The following TMEM132C variants were observed in gnomAD, a reference collection of about 807,000 sequenced individuals.
TMEM132C encodes protein phosphatase 1, regulatory subunit 152.
Under a neutral mutation model 61.4 loss-of-function variants are expected in TMEM132C, and 29 were observed. The observed-to-expected ratio is 0.47, with a 90% CI of 0.35 to 0.64. The LOEUF (loss-of-function observed/expected upper bound fraction) is 0.64. TMEM132C is among the 30% of genes least tolerant of loss of function. The pLI is 0.00. For missense variants in TMEM132C, 1,408 were observed against 1,476.9 expected, an observed-to-expected ratio of 0.95 and a Z score of 0.76; for synonymous variants, 656 against 633.1, an observed-to-expected ratio of 1.04 and a Z score of -0.54.
intron 1 of TMEM132C, among the ~76,000 whole-genome samples, chr12:128,312,795 A>G (rs552774193): frequency 2.0e-5 from 3 of 152,318 alleles, no homozygotes; most frequent in African/African-American, 7.2e-5. Context: ...GTGCTAATTT[A>G]TTATGGCAGC....
chr12:128,562,703 G>A (rs758735746), intron 3 of TMEM132C, among the ~76,000 whole-genome samples: 8 of 152,294 alleles, frequency 5.3e-5, no homozygotes, highest in East Asian at 1.9e-4. Flanking sequence ...AAGGGCAAGC[G>A]ACCATCTTAA....
rs143474712 is a variant in TMEM132C, at chr12:128,409,432, G to C, written c.86-5300G>C. ...AGCAGGCCGGTCCATGGCGCACAGC[G>C]GGCTCAGTGTAGGATGACAGCAACA... On this transcript the variant is annotated intron_variant, in intron 1 of 8. Coordinates refer to ENST00000435159, the MANE Select transcript of TMEM132C (RefSeq NM_001136103.3). 1.5e-3 allele frequency among the ~76,000 whole-genome samples: 221 copies of C among 152,098 alleles called. No homozygotes were observed. In the East Asian group the frequency reaches 0.041, roughly 28 times the overall value.
intron 1 of TMEM132C, among the ~76,000 whole-genome samples, chr12:128,309,862 A>C: frequency 6.6e-6 from 1 of 151,632 alleles, no homozygotes; most frequent in Non-Finnish European, 1.5e-5. Flanking sequence ...CAGCCTCCTG[A>C]GTAGCTGGGA....
At chr12:128,669,946 C>G (rs1333102832) in intron 5 of TMEM132C, among the ~76,000 whole-genome samples, 1 of 152,202 alleles carries the variant, frequency 6.6e-6, no homozygotes, top group African/African-American at 2.4e-5. Flanking sequence ...TCCACAATTA[C>G]TTTTGTACCA....
intron 2 of TMEM132C, among the ~76,000 whole-genome samples, chr12:128,442,033 A>G (rs1238048211): frequency 6.6e-6 from 1 of 152,094 alleles, no homozygotes; most frequent in Non-Finnish European, 1.5e-5. Flanking sequence ...TAAAAAATTA[A>G]ACAATGATAC....
chr12:128,537,125 G>A (rs1248106534), intron 2 of TMEM132C, among the ~76,000 whole-genome samples: 5 of 152,210 alleles, frequency 3.3e-5, no homozygotes, highest in Admixed American at 1.3e-4. Context: ...GACAGGGATA[G>A]CATGATCCCA....
intron 4 of TMEM132C, among the ~76,000 whole-genome samples, chr12:128,642,870 C>T (rs969212691): frequency 2.6e-5 from 4 of 152,226 alleles, no homozygotes; most frequent in Non-Finnish European, 4.4e-5. Context: ...TGGAATCCAG[C>T]GAACTGGCTT....
intron 3 of TMEM132C, among the ~76,000 whole-genome samples, chr12:128,573,098 C>T (rs543326842): frequency 6.6e-6 from 1 of 152,322 alleles, no homozygotes; most frequent in African/African-American, 2.4e-5. Context: ...CATCCCATTA[C>T]TGGGTATATA....
chr12:128,277,650 A>G (rs1236492102), intron 1 of TMEM132C, among the ~76,000 whole-genome samples: 1 of 152,214 alleles, frequency 6.6e-6, no homozygotes, highest in Non-Finnish European at 1.5e-5. Flanking sequence ...CTGTTTCAGA[A>G]GATGGGGAAT....
intron 1 of TMEM132C, among the ~76,000 whole-genome samples, chr12:128,364,802 G>C (rs910262054): frequency 1.3e-5 from 2 of 152,148 alleles, no homozygotes; most frequent in African/African-American, 4.8e-5. Flanking sequence ...TGTGCTGAGG[G>C]CTTCTGATTC....
At chr12:128,577,245 C>T (rs1295260370) in intron 3 of TMEM132C, among the ~76,000 whole-genome samples, 1 of 152,208 alleles carries the variant, frequency 6.6e-6, no homozygotes, top group African/African-American at 2.4e-5. Context: ...CATATGATAG[C>T]ATGTATCAGT....
chr12:128,704,187 AGCAAC>A (rs1206855853), intron 8 of TMEM132C, among the ~76,000 whole-genome samples: 1 of 152,228 alleles, frequency 6.6e-6, no homozygotes, highest in Admixed American at 6.5e-5. Flanking sequence ...TGCCATTTGC[AGCAAC>A]ATGGATGATC....
intron 1 of TMEM132C, among the ~76,000 whole-genome samples, chr12:128,321,348 G>A (rs2135935373): frequency 6.6e-6 from 1 of 152,204 alleles, no homozygotes; most frequent in Non-Finnish European, 1.5e-5. Context: ...GAACCTCCAA[G>A]GAAGTATGCT....
At chr12:128,634,067 G>T (rs905714785) in intron 4 of TMEM132C, among the ~76,000 whole-genome samples, 1 of 152,144 alleles carries the variant, frequency 6.6e-6, no homozygotes, top group South Asian at 2.1e-4. Flanking sequence ...CCTGGTACAA[G>T]AATCACATGC....
chr12:128,456,470 G>A (rs1409685044), intron 2 of TMEM132C, among the ~76,000 whole-genome samples: 3 of 122,974 alleles, frequency 2.4e-5, no homozygotes, highest in African/African-American at 3.1e-5. Context: ...TCAGTGGCTC[G>A]ATATTGGCTC....
intron 3 of TMEM132C, among the ~76,000 whole-genome samples, chr12:128,604,793 T>C (rs924635600): frequency 6.7e-6 from 1 of 149,706 alleles, no homozygotes; most frequent in Non-Finnish European, 1.5e-5. Flanking sequence ...AATGAATAGA[T>C]AGTAGATAGA....
chr12:128,616,423 C>A, intron 4 of TMEM132C, 88 bp downstream of exon 4: 1 of 1,339,730 alleles, frequency 7.5e-7, no homozygotes, highest in Non-Finnish European at 1.0e-6. Context: ...ATGTTTGCTA[C>A]AATGATTTTA....
rs200685160 is a variant in TMEM132C, at chr12:128,631,431, T to C, written c.1305+15096T>C. Among the ~76,000 whole-genome samples, 6 of 152,242 alleles carry C rather than the reference T, an allele frequency of 3.9e-5. No individual in the cohort carries two copies. The East Asian group carries it at 1.2e-3, about 29-fold the overall frequency. ...GCCCTGCAGGGAGTCACAGTCTCTT[T>C]CCTCATCATTCTTCATCTCTTCACC... On this transcript the variant is annotated intron_variant, in intron 4 of 8. Coordinates refer to ENST00000435159, the MANE Select transcript of TMEM132C (RefSeq NM_001136103.3).
intron 1 of TMEM132C, among the ~76,000 whole-genome samples, chr12:128,308,603 G>A (rs1378150725): frequency 6.6e-6 from 1 of 152,190 alleles, no homozygotes; most frequent in East Asian, 1.9e-4. Flanking sequence ...GCTGCACTCT[G>A]TTCAGGAGCA....
Sources: allele counts gnomAD v4.1 joint callset (sites outside exome capture counted in the v4.1 genomes callset), GRCh38; gene constraint gnomAD v4.1.1; transcripts MANE v1.5; gene names NCBI Gene and HGNC (gene_info 2026-07-23, HGNC 2026-07-21).